The following YEATS2 variants were observed in gnomAD, a reference collection of about 807,000 sequenced individuals.
YEATS2 encodes the protein YEATS domain-containing protein 2.
In YEATS2, 77 loss-of-function variants were observed where a neutral mutation model predicts 163.2. The observed-to-expected ratio is 0.47, with a 90% CI of 0.39 to 0.57. The LOEUF (loss-of-function observed/expected upper bound fraction) is 0.57. YEATS2 is among the 20% of genes least tolerant of loss of function. The probability of loss-of-function intolerance (pLI) is 0.00; values close to 1 mark genes in which losing one functional copy is unlikely to be tolerated. For missense variants in YEATS2, 1,549 were observed against 1,729.8 expected, an observed-to-expected ratio of 0.90 and a Z score of 1.85; for synonymous variants, 631 against 645.1, an observed-to-expected ratio of 0.98 and a Z score of 0.33.
intron 20 of YEATS2, among the ~76,000 whole-genome samples, chr3:183,789,986 T>G (rs1724454804): frequency 6.6e-6 from 1 of 152,220 alleles, no homozygotes; most frequent in Non-Finnish European, 1.5e-5. Context: ...GTGGCTTGAC[T>G]TCTCAAGCTT....
intron 4 of YEATS2, 34 bp from the exon 5 acceptor site, chr3:183,721,857 T>A (rs61693521): frequency 6.2e-7 from 1 of 1,606,830 alleles, no homozygotes; most frequent in Non-Finnish European, 8.5e-7. Flanking sequence ...TGGATTTGAT[T>A]AAAAATTTAT....
At chr3:183,795,320 C>T (rs1725034564) in intron 21 of YEATS2, among the ~76,000 whole-genome samples, 2 of 151,902 alleles carry the variant, frequency 1.3e-5, no homozygotes, top group East Asian at 1.9e-4. Context: ...CAGAGTCTTG[C>T]TCTGTTACCC....
At chr3:183,804,300 C>T in intron 27 of YEATS2, 112 bp downstream of exon 27, 1 of 1,306,594 alleles carries the variant, frequency 7.7e-7, no homozygotes, top group Admixed American at 2.3e-5. Context: ...GCCTTTCCTA[C>T]CTCCTGCCGT....
intron 27 of YEATS2, 146 bp downstream of exon 27, chr3:183,804,334 C>T (rs549963794): frequency 2.1e-6 from 2 of 932,308 alleles, no homozygotes; most frequent in East Asian, 2.6e-5. Context: ...CCGTGCAGTC[C>T]CCATGTTGCT....
intron 19 of YEATS2, among the ~76,000 whole-genome samples, chr3:183,781,169 G>A (rs1723523344): frequency 6.6e-6 from 1 of 152,150 alleles, no homozygotes; most frequent in Admixed American, 6.6e-5. Flanking sequence ...TGATTATGGA[G>A]ACCAAGGAGT....
intron 18 of YEATS2, among the ~76,000 whole-genome samples, chr3:183,776,559 A>G (rs758392091): frequency 1.3e-5 from 2 of 152,018 alleles, no homozygotes; most frequent in Admixed American, 6.6e-5. Flanking sequence ...AAAAAAAACT[A>G]TGTGTTTTTA....
At chr3:183,722,276 ATCTT>A in intron 5 of YEATS2, 140 bp downstream of exon 5, 7 of 584,270 alleles carry the variant, frequency 1.2e-5, no homozygotes, top group African/African-American at 3.6e-5. Flanking sequence ...GGGAAACCAA[ATCTT>A]TTTTTTTTTT....
chr3:183,717,424 A>G (rs891918513), intron 2 of YEATS2, among the ~76,000 whole-genome samples: 1 of 152,214 alleles, frequency 6.6e-6, no homozygotes. Context: ...TTTGACAGGA[A>G]TACCATAGAA....
At chr3:183,723,390 T>A (rs1312064729) in intron 5 of YEATS2, among the ~76,000 whole-genome samples, 2 of 152,178 alleles carry the variant, frequency 1.3e-5, no homozygotes, top group Non-Finnish European at 2.9e-5. Flanking sequence ...ATGTCAAGGG[T>A]TTGATTTATT....
intron 15 of YEATS2, among the ~76,000 whole-genome samples, chr3:183,763,793 GGTGGCTCACACCT>G (rs1433318601): frequency 6.6e-6 from 1 of 152,028 alleles, no homozygotes; most frequent in Admixed American, 6.6e-5. Context: ...GGCTCGGCAT[GGTGGCTCACACCT>G]GTGAGCCACC....
intron 21 of YEATS2, 109 bp from the exon 22 acceptor site, chr3:183,797,813 TA>T: frequency 7.0e-7 from 1 of 1,424,690 alleles, no homozygotes; most frequent in Non-Finnish European, 9.6e-7. Context: ...ACTGGAAGGT[TA>T]AATGTCCTGG....
At chr3:183,782,978 C>T (rs182207189) in intron 19 of YEATS2, among the ~76,000 whole-genome samples, 2 of 152,336 alleles carry the variant, frequency 1.3e-5, no homozygotes, top group Non-Finnish European at 2.9e-5. Flanking sequence ...GCTCTACATC[C>T]TCACCAACAC....
chr3:183,717,602 C>A, intron 2 of YEATS2, 49 bp from the exon 3 acceptor site: 2 of 1,329,744 alleles, frequency 1.5e-6, no homozygotes, highest in Non-Finnish European at 2.1e-6. Context: ...TAAATAAAGA[C>A]AGTCACTGAT....
At chr3:183,785,820 C>G (rs930620075) in intron 19 of YEATS2, among the ~76,000 whole-genome samples, 1 of 152,138 alleles carries the variant, frequency 6.6e-6, no homozygotes, top group African/African-American at 2.4e-5. Context: ...CATTTAAGAG[C>G]ATGTTGTAAT....
intron 8 of YEATS2, among the ~76,000 whole-genome samples, chr3:183,743,816 C>CA (rs1719225378): frequency 6.6e-6 from 1 of 152,134 alleles, no homozygotes; most frequent in Non-Finnish European, 1.5e-5. Flanking sequence ...TAATGGCTTC[C>CA]AAAACTGGGC....
At chr3:183,727,979 A>G (rs1398437274) in intron 6 of YEATS2, among the ~76,000 whole-genome samples, 2 of 151,974 alleles carry the variant, frequency 1.3e-5, no homozygotes. Flanking sequence ...CACACCGAAT[A>G]AGGAGAACAA....
intron 1 of YEATS2, among the ~76,000 whole-genome samples, chr3:183,708,989 G>T (rs139238619): frequency 2.0e-3 from 307 of 151,986 alleles, no homozygotes; most frequent in Non-Finnish European, 3.5e-3. Context: ...GTGAAATCCC[G>T]TCTCTTCTAA....
chr3:183,776,062 G>T lies in YEATS2; in HGVS notation c.2516G>T (p.Gly839Val). ...TAGGGTQSTA[G>V]PGGISQHLTY... The stretch of plus-strand genomic sequence containing the variant: ...GGAGGAGGAACTCAAAGTACTGCTG[G>T]CCCTGGAGGGATATCTCAGCACCTG... The change falls in exon 18 of 31, where the codon GGC becomes GTC. Residue 839 changes from glycine (G) to valine (V), a missense_variant. Transcript: ENST00000305135. 6 of 1,612,412 alleles carry T rather than the reference G, an allele frequency of 3.7e-6. No individual in the cohort carries two copies. Among genetic ancestry groups the T allele is most frequent in the Non-Finnish European group, 5.1e-6 (6 of 1,179,230 alleles).
intron 7 of YEATS2, among the ~76,000 whole-genome samples, chr3:183,731,738 G>A (rs926392091): frequency 1.2e-4 from 19 of 152,128 alleles, no homozygotes; most frequent in African/African-American, 4.6e-4. Flanking sequence ...AATAGTAAAT[G>A]AACTTTGTTT....
Sources: allele counts gnomAD v4.1 joint callset (sites outside exome capture counted in the v4.1 genomes callset), GRCh38; gene constraint gnomAD v4.1.1; transcripts MANE v1.5; gene names NCBI Gene and HGNC (gene_info 2026-07-23, HGNC 2026-07-21).